The following RGS3 variants were observed in gnomAD, a reference collection of about 807,000 sequenced individuals.
RGS3 encodes regulator of G-protein signalling 3.
A neutral mutation model predicts 132.6 loss-of-function variants in RGS3; 80 were observed. The observed-to-expected ratio is 0.60, with a 90% CI of 0.50 to 0.73. The LOEUF (loss-of-function observed/expected upper bound fraction) is 0.73, where lower values mean the gene tolerates loss of function less well. Ranked by LOEUF, RGS3 falls within the 30% of genes least tolerant of loss-of-function variation. RGS3 has a pLI of 0.00. For missense variants in RGS3, 1,382 were observed against 1,530.8 expected (o/e 0.90, Z 1.62); for synonymous variants, 598 against 620.6 (o/e 0.96, Z 0.54).
At chr9:113,509,958 A>G (rs1328863704) in intron 14 of RGS3, among the ~76,000 whole-genome samples, 3 of 152,028 alleles carry the variant, frequency 2.0e-5, no homozygotes, top group Non-Finnish European at 4.4e-5. Flanking sequence ...TTATTTTTCC[A>G]TAGATTATTG....
At chr9:113,543,005 C>T (rs748183850) in intron 19 of RGS3, among the ~76,000 whole-genome samples, 5 of 152,206 alleles carry the variant, frequency 3.3e-5, no homozygotes, top group African/African-American at 4.8e-5. Context: ...TCACTGCCTG[C>T]TGCACCTCCA....
chr9:113,573,779 C>T (rs1401579171), intron 19 of RGS3, among the ~76,000 whole-genome samples: 1 of 152,142 alleles, frequency 6.6e-6, no homozygotes, highest in Non-Finnish European at 1.5e-5. Context: ...GGAGTCCGAG[C>T]GGGGCCCCTG....
intron 3 of RGS3, among the ~76,000 whole-genome samples, chr9:113,469,900 G>GT (rs61167820): frequency 0.05 from 6,469 of 129,802 alleles, 532 homozygotes; most frequent in East Asian, 0.38. Flanking sequence ...GCATATAGTT[G>GT]TTTTTTTTTT....
intron 8 of RGS3, among the ~76,000 whole-genome samples, chr9:113,496,624 C>T (rs972033005): frequency 6.6e-6 from 1 of 151,900 alleles, no homozygotes; most frequent in African/African-American, 2.4e-5. Context: ...GATCTTGGCT[C>T]GCTGCAACCT....
chr9:113,484,440 G>A (rs577610830), intron 6 of RGS3, among the ~76,000 whole-genome samples: 5 of 151,750 alleles, frequency 3.3e-5, no homozygotes, highest in African/African-American at 9.7e-5. Context: ...GCCCAGCAGC[G>A]AGGTCCACAG....
intron 19 of RGS3, chr9:113,542,151 A>G (rs559852374): frequency 6.6e-6 from 1 of 152,470 alleles, no homozygotes; most frequent in African/African-American, 2.4e-5. Flanking sequence ...TTTTAAACCG[A>G]GACTTGTGGG....
At chr9:113,460,762 T>C (rs2119157381) in intron 1 of RGS3, among the ~76,000 whole-genome samples, 1 of 152,320 alleles carries the variant, frequency 6.6e-6, no homozygotes, top group African/African-American at 2.4e-5. Context: ...TCTTGGTTAT[T>C]ATTGGGCTAG....
intron 19 of RGS3, among the ~76,000 whole-genome samples, chr9:113,555,742 G>A (rs1833540582): frequency 6.6e-6 from 1 of 152,210 alleles, no homozygotes; most frequent in Non-Finnish European, 1.5e-5. Flanking sequence ...TGGGATTACA[G>A]GCGTGAGCCA....
chr9:113,587,718 A>G (rs186280393), intron 20 of RGS3, among the ~76,000 whole-genome samples: 18 of 152,316 alleles, frequency 1.2e-4, no homozygotes, highest in Admixed American at 3.3e-4. Flanking sequence ...TACTGTGAGT[A>G]GGAATGTCAG....
intron 19 of RGS3, among the ~76,000 whole-genome samples, chr9:113,566,650 A>G (rs1305410518): frequency 6.6e-6 from 1 of 152,214 alleles, no homozygotes; most frequent in Admixed American, 6.5e-5. Context: ...AAGTATTATA[A>G]TTCAGCTTCA....
chr9:113,583,964 G>T (rs1484954865), exon 20 of RGS3: 1 of 1,613,998 alleles, frequency 6.2e-7, no homozygotes, highest in African/African-American at 1.3e-5. Flanking sequence ...GCGGCCCCCA[G>T]GCCAGCCTTC....
At chr9:113,517,614 A>C (rs764866475) in exon 16 of RGS3, 6 of 1,613,226 alleles carry the variant, frequency 3.7e-6, no homozygotes, top group Middle Eastern at 3.5e-4. Context: ...GGGAGGAACA[A>C]GGCTGCCGAG....
At position 113,471,719 on chromosome 9, in the gene RGS3, C is replaced by A. The variant is rs557121367; in HGVS notation, c.416-7772C>A. On this transcript the variant is annotated intron_variant, in intron 3 of 24. Coordinates refer to ENST00000350696, the Ensembl canonical transcript of RGS3. The stretch of plus-strand genomic sequence containing the variant: ...GCCTGCCTACCTGCAGTTGTCCGAG[C>A]AGGCATTACTGGGGCTGGAGGGTCC... Among the ~76,000 whole-genome samples, 60 of 152,188 alleles carry A rather than the reference C, an allele frequency of 3.9e-4. 1 individual carries two copies. The highest frequency in any genetic ancestry group is 1.4e-3 in the African/African-American group (58 of 41,526).
Position 113,467,964 on chromosome 9 carries a change from C to T in RGS3, c.415+5763C>T, listed in dbSNP as rs750497335. Among the ~76,000 whole-genome samples the T allele has an allele frequency of 6.6e-5, 10 of 152,158 alleles. 1 individual carries two copies. The highest frequency in any genetic ancestry group is 2.1e-4 in the South Asian group (1 of 4,832). On this transcript the variant is annotated intron_variant, in intron 3 of 24. Transcript: ENST00000350696. ...CTAGTCTTGAACTCAGGGACTCAAG[C>T]GATCTCCTGCCTTGGCCTCCCAAAG...
intron 19 of RGS3, among the ~76,000 whole-genome samples, chr9:113,573,435 C>T (rs982922340): frequency 4.6e-5 from 7 of 152,184 alleles, no homozygotes; most frequent in East Asian, 1.9e-4. Flanking sequence ...CCATATGCCC[C>T]GTAGCAGCCG....
intron 3 of RGS3, among the ~76,000 whole-genome samples, chr9:113,472,040 T>C (rs188921766): frequency 1.2e-4 from 19 of 152,148 alleles, no homozygotes; most frequent in Non-Finnish European, 2.5e-4. Context: ...TGTCATTAGT[T>C]ATCAGGGAAA....
chr9:113,457,728 A>C (rs932622249), upstream of RGS3, among the ~76,000 whole-genome samples: 1 of 152,318 alleles, frequency 6.6e-6, no homozygotes, highest in Non-Finnish European at 1.5e-5. Flanking sequence ...TAGTTGCTTC[A>C]TATATAAATA....
At chr9:113,497,249 G>T in intron 8 of RGS3, 65 bp from the exon 7 acceptor site, 1 of 1,292,848 alleles carries the variant, frequency 7.7e-7, no homozygotes, top group Non-Finnish European at 1.1e-6. Flanking sequence ...GAGGGGGATT[G>T]GTGGCTGCCT....
At chr9:113,568,835 C>T (rs1834125686) in intron 19 of RGS3, among the ~76,000 whole-genome samples, 1 of 152,246 alleles carries the variant, frequency 6.6e-6, no homozygotes, top group African/African-American at 2.4e-5. Context: ...GTGCTGCCTG[C>T]CCCTGCACAA....
Sources: gnomAD v4.1 joint callset for allele counts (sites outside exome capture counted in the v4.1 genomes callset) on GRCh38, gnomAD v4.1.1 for gene constraint, MANE v1.5 for transcripts, NCBI Gene and HGNC (gene_info 2026-07-23, HGNC 2026-07-21) for gene names.